Variants in ZNF821 observed in about 807,000 individuals in gnomAD.
The protein encoded by ZNF821 is zinc finger protein 821.
A neutral mutation model predicts 44.3 loss-of-function variants in ZNF821; 16 were observed. That is an observed-to-expected ratio of 0.36 (90% CI 0.24 to 0.55). The LOEUF is 0.55. Ranked by LOEUF, ZNF821 falls within the 20% of genes least tolerant of loss-of-function variation. The pLI is 0.86. For missense variants in ZNF821, 436 were observed against 547.6 expected (o/e 0.80, Z 2.03); for synonymous variants, 204 against 197.6 (o/e 1.03, Z -0.27).
chr16:71,888,566 G>C (rs2036870602), upstream of ZNF821, among the ~76,000 whole-genome samples: 1 of 152,088 alleles, frequency 6.6e-6, no homozygotes, highest in Admixed American at 6.6e-5. Context: ...TATCCTTGTT[G>C]AGAATCAATT....
upstream of ZNF821, among the ~76,000 whole-genome samples, chr16:71,887,014 T>C (rs934897864): frequency 6.6e-6 from 1 of 152,380 alleles, no homozygotes; most frequent in East Asian, 1.9e-4. Flanking sequence ...CATATATCAG[T>C]ACTTAATTCC....
chr16:71,892,643 C>T (rs2036894909), intron 1 of ZNF821, among the ~76,000 whole-genome samples: 1 of 150,202 alleles, frequency 6.7e-6, no homozygotes, highest in Non-Finnish European at 1.5e-5. Context: ...GTTATCTCGG[C>T]TCATTGCAAC....
intron 1 of ZNF821, chr16:71,894,815 T>C: frequency 1.3e-6 from 2 of 1,533,162 alleles, no homozygotes; most frequent in Non-Finnish European, 8.7e-7. Context: ...GAAGGTCCCT[T>C]CCAGGCTTAA....
At position 71,880,023 on chromosome 16, in the gene ZNF821, C is replaced by T; in HGVS notation, c.-77G>A. 1 of 1,392,474 alleles carries T rather than the reference C, an allele frequency of 7.2e-7. No homozygotes were observed. 86.3% of individuals were successfully genotyped at this position (1,392,474 alleles called of 1,614,324 possible). On this transcript the variant is annotated splice_region_variant and 5_prime_UTR_variant, in exon 3 of 8. Transcript: ENST00000425432. Reference sequence around the variant, plus strand: ...TTACTACCTCCTTGCAAGATGCTAACCTGCAATAAAAAAGGTTATTGTTAG... The same window carrying T: ...TTACTACCTCCTTGCAAGATGCTAATCTGCAATAAAAAAGGTTATTGTTAG...
At chr16:71,861,993 C>A in intron 6 of ZNF821, 51 bp from the exon 7 acceptor site, 1 of 1,590,638 alleles carries the variant, frequency 6.3e-7, no homozygotes, top group Non-Finnish European at 8.6e-7. Flanking sequence ...CCAGGACAAT[C>A]TGCACCCACT....
chr16:71,883,048 C>G, intron 2 of ZNF821, 163 bp downstream of exon 2: 1 of 451,416 alleles, frequency 2.2e-6, no homozygotes, highest in Non-Finnish European at 4.4e-6. Flanking sequence ...TGTCTGTCTT[C>G]AGAGCAAGGT....
chr16:71,866,725 G>A (rs1433244647), intron 4 of ZNF821, among the ~76,000 whole-genome samples: 1 of 152,140 alleles, frequency 6.6e-6, no homozygotes, highest in Non-Finnish European at 1.5e-5. Context: ...AGAAAGTGGT[G>A]GCTTCCATAG....
upstream of ZNF821, among the ~76,000 whole-genome samples, chr16:71,887,323 G>A (rs1056719160): frequency 7.5e-5 from 11 of 146,420 alleles, no homozygotes; most frequent in East Asian, 4.0e-4. Flanking sequence ...GCAGTGGCGC[G>A]ATCTCGGCTC....
chr16:71,876,312 T>C (rs996165899), intron 3 of ZNF821, among the ~76,000 whole-genome samples: 1 of 151,982 alleles, frequency 6.6e-6, no homozygotes, highest in Non-Finnish European at 1.5e-5. Flanking sequence ...CAAGTGATTC[T>C]CCTGCCTCAG....
At position 71,861,792 on chromosome 16, in the gene ZNF821, G is replaced by A. The variant is rs1290319625; in HGVS notation, c.568C>T (p.His190Tyr). The change falls in exon 7 of 8, where the codon CAT becomes TAT. Residue 190 changes from histidine to tyrosine, a missense_variant. Coordinates refer to ENST00000425432, the MANE Select transcript of ZNF821 (RefSeq NM_001201552.2). ...CCAGCTGACCTGTTAAAAGTGGCAT[G>A]GCTGGTGAACCGGGCTCCACACACA... is the stretch of plus-strand genomic sequence containing the variant. ...CAVCGARFTS[H>Y]ATFNSEKLPE... 1 of 1,614,118 alleles carries A rather than the reference G, an allele frequency of 6.2e-7. No homozygotes were observed. Among genetic ancestry groups the A allele is most frequent in the Non-Finnish European group, 8.5e-7 (1 of 1,180,036 alleles).
intron 1 of ZNF821, chr16:71,894,698 C>CTTTTTTTT: frequency 2.3e-6 from 1 of 443,580 alleles, no homozygotes; most frequent in South Asian, 2.8e-5. Flanking sequence ...TAATTTTTAA[C>CTTTTTTTT]TTTTTTTTTT....
chr16:71,893,372 G>A (rs1042617753), intron 1 of ZNF821, among the ~76,000 whole-genome samples: 46 of 151,336 alleles, frequency 3.0e-4, no homozygotes, highest in Non-Finnish European at 1.9e-4. Context: ...CATGTGGCCA[G>A]GCTGCTCTCC....
At chr16:71,861,730 C>T in intron 7 of ZNF821, 46 bp downstream of exon 7, 1 of 1,607,694 alleles carries the variant, frequency 6.2e-7, no homozygotes, top group Non-Finnish European at 8.5e-7. Flanking sequence ...AGAACTCACA[C>T]CCAGTAATTT....
intron 3 of ZNF821, among the ~76,000 whole-genome samples, chr16:71,871,142 AAGAG>A (rs1162935899): frequency 2.6e-5 from 4 of 152,200 alleles, no homozygotes; most frequent in African/African-American, 4.8e-5. Flanking sequence ...CTTTCATGGA[AAGAG>A]AGAGAGTCTG....
intron 2 of ZNF821, chr16:71,882,400 A>G (rs1161394260): frequency 6.6e-6 from 1 of 152,120 alleles, no homozygotes; most frequent in Non-Finnish European, 1.5e-5. Flanking sequence ...TAATTTTTAT[A>G]TTTTCTCCCT....
Position 71,859,858 on chromosome 16 carries a change from C to G in ZNF821, c.*160G>C. On this transcript the variant is annotated 3_prime_UTR_variant, in exon 8 of 8. Coordinates refer to ENST00000425432, the MANE Select transcript of ZNF821 (RefSeq NM_001201552.2). The stretch of plus-strand genomic sequence containing the variant: ...CCCTCCTGACCCCATCATCCTGTTC[C>G]CATATGCAAGGGCTGCTCAGGTCCA... 1 of 798,098 alleles carries G rather than the reference C, an allele frequency of 1.3e-6. No homozygotes were observed. The highest frequency in any genetic ancestry group is 2.7e-5 in the East Asian group (1 of 37,136). The allele number at this position is 798,098 out of a possible 1,614,324, so 49.4% of individuals were successfully genotyped here.
rs545749517 is a variant in ZNF821 at position 71,880,971 on chromosome 16, T to C, written c.-77-948A>G. Among the ~76,000 whole-genome samples, 16 of 152,204 alleles carry C rather than the reference T, an allele frequency of 1.1e-4. 1 individual carries two copies. The highest frequency in any genetic ancestry group is 7.7e-4 in the East Asian group (4 of 5,176). On this transcript the variant is annotated intron_variant, in intron 2 of 7. Coordinates refer to ENST00000425432, the MANE Select transcript of ZNF821 (RefSeq NM_001201552.2). The stretch of plus-strand genomic sequence containing the variant: ...AGAAAGAGTGCCCCAGCCTTAAGCA[T>C]TGTTAGAGAATCTGAGATGGATTAG...
chr16:71,891,474 A>T (rs2036885086), intron 1 of ZNF821: 1 of 152,238 alleles, frequency 6.6e-6, no homozygotes, highest in South Asian at 2.1e-4. Context: ...TTGATATATT[A>T]CAGGATCTAA....
At chr16:71,877,040 A>C (rs1401641420) in intron 3 of ZNF821, among the ~76,000 whole-genome samples, 5 of 152,202 alleles carry the variant, frequency 3.3e-5, no homozygotes, top group Admixed American at 1.3e-4. Flanking sequence ...CCCCCATTCC[A>C]GAATATACTC....
Sources: allele counts gnomAD v4.1 joint callset (sites outside exome capture counted in the v4.1 genomes callset), GRCh38; gene constraint gnomAD v4.1.1; transcripts MANE v1.5; gene names NCBI Gene and HGNC (gene_info 2026-07-23, HGNC 2026-07-21).